Variants in RAD51B observed in about 807,000 individuals in gnomAD.
RAD51B encodes RAD51 paralog B.
Under a neutral mutation model 42.2 loss-of-function variants are expected in RAD51B, and 38 were observed. That is an observed-to-expected ratio of 0.90 (90% confidence interval 0.70 to 1.18). The LOEUF is 1.18. Ranked by LOEUF, RAD51B falls within the 50% of genes most tolerant of loss-of-function variation. The pLI is 0.00. For missense variants in RAD51B, 373 were observed against 400.7 expected, an observed-to-expected ratio of 0.93 and a Z score of 0.59; for synonymous variants, 154 against 145.2, an observed-to-expected ratio of 1.06 and a Z score of -0.43.
intron 7 of RAD51B, among the ~76,000 whole-genome samples, chr14:68,211,110 A>C (rs1341700498): frequency 6.6e-6 from 1 of 152,158 alleles, no homozygotes; most frequent in Non-Finnish European, 1.5e-5. Flanking sequence ...TTCTCTGACT[A>C]ATGTGCTGTG....
Position 68,271,618 on chromosome 14 carries a change from C to T in RAD51B, c.757-20266C>T, listed in dbSNP as rs113780655. On this transcript the variant is annotated intron_variant, in intron 7 of 10. Transcript: ENST00000471583. ...CTTCCAGTTATGGCTCTCCCATTAC[C>T]TTATACAATTTTTAGAAGCCCTCTA... is the stretch of plus-strand genomic sequence containing the variant. 8.1e-3 allele frequency among the ~76,000 whole-genome samples: 1,228 copies of T among 152,214 alleles called. 15 individuals are homozygous for T. The highest frequency in any genetic ancestry group is 0.029 in the African/African-American group (1,189 of 41,526).
chr14:68,640,111 A>C (rs2140129575), intron 10 of RAD51B, among the ~76,000 whole-genome samples: 1 of 152,282 alleles, frequency 6.6e-6, no homozygotes, highest in South Asian at 2.1e-4. Context: ...CCAGGTTTTA[A>C]GGCTTTGGGA....
intron 7 of RAD51B, among the ~76,000 whole-genome samples, chr14:67,956,670 A>C (rs927210639): frequency 3.9e-5 from 6 of 152,218 alleles, no homozygotes; most frequent in Non-Finnish European, 7.3e-5. Flanking sequence ...TATATTAAAC[A>C]ATATAATCAA....
At chr14:68,343,408 TATC>T (rs2082610297) in intron 8 of RAD51B, among the ~76,000 whole-genome samples, 3 of 152,252 alleles carry the variant, frequency 2.0e-5, no homozygotes, top group Admixed American at 2.0e-4. Flanking sequence ...AGGTCTAAAA[TATC>T]ATTGCCCAGA....
chr14:68,021,777 T>A (rs1052567310), intron 7 of RAD51B, among the ~76,000 whole-genome samples: 5 of 152,194 alleles, frequency 3.3e-5, no homozygotes, highest in African/African-American at 1.2e-4. Flanking sequence ...TGTACGGTAG[T>A]CTACTAAGTG....
intron 5 of RAD51B, among the ~76,000 whole-genome samples, chr14:67,882,621 C>T (rs900566329): frequency 2.0e-5 from 3 of 152,120 alleles, no homozygotes; most frequent in African/African-American, 7.2e-5. Context: ...TTTTGTTTCC[C>T]CCATGAAGGA....
chr14:67,920,074 G>A (rs2044273284), intron 7 of RAD51B, among the ~76,000 whole-genome samples: 1 of 151,938 alleles, frequency 6.6e-6, no homozygotes, highest in Non-Finnish European at 1.5e-5. Flanking sequence ...TTTTATTTTA[G>A]TATGTATGGT....
chr14:68,278,260 A>G (rs564645317), intron 7 of RAD51B, among the ~76,000 whole-genome samples: 1 of 152,372 alleles, frequency 6.6e-6, no homozygotes, highest in South Asian at 2.1e-4. Flanking sequence ...AGAAGGATTT[A>G]GAATGCCACA....
downstream of RAD51B, chr14:68,596,105 C>A: frequency 1.4e-5 from 13 of 946,238 alleles, no homozygotes; most frequent in Non-Finnish European, 1.5e-5. Context: ...ATTGGAGATT[C>A]AAATTCTTCA....
At chr14:67,981,690 GAAAT>G (rs1449125091) in intron 7 of RAD51B, among the ~76,000 whole-genome samples, 1 of 152,172 alleles carries the variant, frequency 6.6e-6, no homozygotes, top group East Asian at 1.9e-4. Context: ...CATGCTGAGA[GAAAT>G]AAGTCAGTCA....
intron 7 of RAD51B, among the ~76,000 whole-genome samples, chr14:67,957,988 A>G (rs1422858352): frequency 6.6e-6 from 1 of 152,232 alleles, no homozygotes; most frequent in Non-Finnish European, 1.5e-5. Context: ...AATTACAGAG[A>G]ATATTATATG....
chr14:68,334,959 A>T (rs372272928), intron 8 of RAD51B, among the ~76,000 whole-genome samples: 569 of 18,310 alleles, frequency 0.031, 15 homozygotes, highest in African/African-American at 0.064. Flanking sequence ...TATATGTTTT[A>T]TATATATATA....
At chr14:67,823,372 G>A (rs956912881) in intron 1 of RAD51B, 170 bp from the exon 2 acceptor site, 1 of 496,744 alleles carries the variant, frequency 2.0e-6, no homozygotes, top group Non-Finnish European at 3.5e-6. Context: ...CATTTAAAAA[G>A]GTTCTATAGC....
chr14:68,363,476 G>A (rs986448443), intron 8 of RAD51B, among the ~76,000 whole-genome samples: 1 of 152,192 alleles, frequency 6.6e-6, no homozygotes, highest in Non-Finnish European at 1.5e-5. Flanking sequence ...GTGTCCGCCA[G>A]TATGGAGACA....
At chr14:68,426,917 G>T (rs1179818351) in intron 9 of RAD51B, among the ~76,000 whole-genome samples, 1 of 152,166 alleles carries the variant, frequency 6.6e-6, no homozygotes, top group Non-Finnish European at 1.5e-5. Context: ...TCCACAGGCT[G>T]ACTTTCCAGG....
intron 7 of RAD51B, among the ~76,000 whole-genome samples, chr14:67,994,317 A>G (rs914245251): frequency 1.3e-5 from 2 of 152,152 alleles, no homozygotes; most frequent in Admixed American, 6.5e-5. Flanking sequence ...GTAGGCAAGA[A>G]TGATCTTGAA....
intron 7 of RAD51B, among the ~76,000 whole-genome samples, chr14:68,228,099 T>C (rs773473245): frequency 2.0e-5 from 3 of 152,076 alleles, no homozygotes; most frequent in Non-Finnish European, 4.4e-5. Flanking sequence ...GTAAATAAAT[T>C]GTCCAAGATT....
At chr14:68,199,001 C>A (rs951877630) in intron 7 of RAD51B, among the ~76,000 whole-genome samples, 1 of 152,142 alleles carries the variant, frequency 6.6e-6, no homozygotes, top group Non-Finnish European at 1.5e-5. Context: ...ATGAGTTTGC[C>A]CTCTCTCCTA....
chr14:68,464,180 A>G (rs1469429902), intron 9 of RAD51B, among the ~76,000 whole-genome samples: 1 of 152,210 alleles, frequency 6.6e-6, no homozygotes, highest in Non-Finnish European at 1.5e-5. Flanking sequence ...GATCTAATAT[A>G]TGACCTCTTT....
Sources: allele counts gnomAD v4.1 joint callset (sites outside exome capture counted in the v4.1 genomes callset), GRCh38; gene constraint gnomAD v4.1.1; transcripts MANE v1.5; gene names NCBI Gene and HGNC (gene_info 2026-07-23, HGNC 2026-07-21).